The following CTNND2 variants were observed in gnomAD, a reference collection of about 807,000 sequenced individuals.
CTNND2 encodes the protein catenin delta 2.
CTNND2 carries 22 observed loss-of-function variants against 144.4 expected under a neutral mutation model. The ratio of observed to expected loss-of-function variants is 0.15; its 90% CI spans 0.11 to 0.22. The LOEUF (loss-of-function observed/expected upper bound fraction) is 0.22, where lower values mean the gene tolerates loss of function less well. CTNND2 is among the 10% of genes least tolerant of loss of function. CTNND2 has a pLI of 1.00. For synonymous variants in CTNND2, 751 were observed against 695.6 expected, an observed-to-expected ratio of 1.08 and a Z score of -1.25; for missense variants, 1,353 against 1,618.8, an observed-to-expected ratio of 0.84 and a Z score of 2.82.
At chr5:11,575,733 A>G (rs1777925220) in intron 2 of CTNND2, among the ~76,000 whole-genome samples, 1 of 152,062 alleles carries the variant, frequency 6.6e-6, no homozygotes, top group African/African-American at 2.4e-5. Context: ...TCCTTCCCGC[A>G]CAAACTCTTC....
chr5:11,137,812 G>A (rs1756311954), intron 12 of CTNND2, among the ~76,000 whole-genome samples: 1 of 152,256 alleles, frequency 6.6e-6, no homozygotes, highest in Admixed American at 6.5e-5. Flanking sequence ...TATCCATCTG[G>A]ATATGAAATT....
chr5:11,809,659 C>T (rs1474571600), intron 1 of CTNND2, among the ~76,000 whole-genome samples: 1 of 152,152 alleles, frequency 6.6e-6, no homozygotes, highest in South Asian at 2.1e-4. Flanking sequence ...CAGGCATAAA[C>T]AAGGGAACAG....
chr5:11,800,089 C>A (rs983950504), intron 1 of CTNND2, among the ~76,000 whole-genome samples: 3 of 152,096 alleles, frequency 2.0e-5, no homozygotes, highest in Non-Finnish European at 4.4e-5. Flanking sequence ...TAAGCAATGA[C>A]TGTCAACTTC....
intron 2 of CTNND2, among the ~76,000 whole-genome samples, chr5:11,579,591 T>C (rs1187661579): frequency 6.6e-6 from 1 of 152,244 alleles, no homozygotes; most frequent in African/African-American, 2.4e-5. Flanking sequence ...TGGCTCATGA[T>C]ACAGCAGCTT....
At chr5:11,731,322 T>C (rs1561741469) in intron 2 of CTNND2, among the ~76,000 whole-genome samples, 2 of 152,222 alleles carry the variant, frequency 1.3e-5, no homozygotes, top group Non-Finnish European at 2.9e-5. Context: ...AGCGTTACTA[T>C]TCTTAATTGC....
intron 16 of CTNND2, among the ~76,000 whole-genome samples, chr5:11,034,772 T>A (rs181316565): frequency 2.1e-4 from 32 of 152,296 alleles, no homozygotes; most frequent in Admixed American, 1.0e-3. Flanking sequence ...CTTTTTTTTT[T>A]AATGTGATCT....
intron 18 of CTNND2, among the ~76,000 whole-genome samples, chr5:11,006,063 C>A (rs371489455): frequency 8.6e-5 from 13 of 151,968 alleles, no homozygotes; most frequent in East Asian, 3.9e-4. Flanking sequence ...AAAACAACAA[C>A]AAAAAAACCA....
intron 2 of CTNND2, among the ~76,000 whole-genome samples, chr5:11,569,214 G>T (rs1777364485): frequency 6.6e-6 from 1 of 152,088 alleles, no homozygotes; most frequent in South Asian, 2.1e-4. Context: ...GGTTTAGAGA[G>T]GACATCCAAT....
At chr5:11,761,757 G>C in intron 1 of CTNND2, among the ~76,000 whole-genome samples, 1 of 152,092 alleles carries the variant, frequency 6.6e-6, no homozygotes, top group African/African-American at 2.4e-5. Flanking sequence ...TTTTCAAGTA[G>C]CATAGGATCT....
intron 13 of CTNND2, among the ~76,000 whole-genome samples, chr5:11,113,502 A>C (rs184679962): frequency 6.6e-6 from 1 of 152,302 alleles, no homozygotes; most frequent in East Asian, 1.9e-4. Flanking sequence ...TTTTGCAGAA[A>C]ACGTTTGCTG....
intron 9 of CTNND2, among the ~76,000 whole-genome samples, chr5:11,256,251 C>T (rs1020820929): frequency 6.6e-6 from 1 of 152,164 alleles, no homozygotes; most frequent in Non-Finnish European, 1.5e-5. Context: ...ATGCCTAGGT[C>T]ATATTTGTGT....
chr5:11,403,580 T>C (rs6884912), intron 5 of CTNND2, among the ~76,000 whole-genome samples: 5,084 of 152,276 alleles, frequency 0.033, 292 homozygotes, highest in African/African-American at 0.12. Flanking sequence ...CATCGTTCAT[T>C]CCAATTCCCA....
At chr5:11,348,839 A>C (rs572641694) in intron 8 of CTNND2, among the ~76,000 whole-genome samples, 5 of 152,308 alleles carry the variant, frequency 3.3e-5, no homozygotes, top group African/African-American at 1.2e-4. Flanking sequence ...CAAAATGTGA[A>C]AATAGGGTGG....
intron 2 of CTNND2, among the ~76,000 whole-genome samples, chr5:11,673,912 G>C (rs1423239448): frequency 2.0e-5 from 3 of 152,150 alleles, no homozygotes; most frequent in African/African-American, 7.2e-5. Flanking sequence ...TGAGGGTTTT[G>C]ATTTGTGCAT....
intron 9 of CTNND2, among the ~76,000 whole-genome samples, chr5:11,322,232 C>T (rs1240685367): frequency 6.6e-6 from 1 of 152,158 alleles, no homozygotes; most frequent in Admixed American, 6.5e-5. Context: ...GCTCAGCCTC[C>T]CATGATATCA....
At chr5:11,439,057 C>T (rs755968497) in intron 3 of CTNND2, among the ~76,000 whole-genome samples, 6 of 151,950 alleles carry the variant, frequency 3.9e-5, no homozygotes, top group Non-Finnish European at 7.3e-5. Context: ...GCAGCAGACA[C>T]GCATTCTCCG....
intron 1 of CTNND2, among the ~76,000 whole-genome samples, chr5:11,823,165 A>G (rs1246797233): frequency 6.6e-6 from 1 of 152,250 alleles, no homozygotes; most frequent in Non-Finnish European, 1.5e-5. Context: ...TATATTCAGA[A>G]GTAAAACACT....
At chr5:11,877,859 A>C (rs1192683281) in intron 1 of CTNND2, among the ~76,000 whole-genome samples, 1 of 152,178 alleles carries the variant, frequency 6.6e-6, no homozygotes, top group East Asian at 1.9e-4. Context: ...CAAAGAGAGG[A>C]AAAATACAAT....
intron 1 of CTNND2, among the ~76,000 whole-genome samples, chr5:11,734,804 C>T (rs1187668398): frequency 6.6e-6 from 1 of 152,120 alleles, no homozygotes; most frequent in Non-Finnish European, 1.5e-5. Context: ...GGCCCCATTA[C>T]AGAATTTTAC....
Sources: gnomAD v4.1 joint callset for allele counts (sites outside exome capture counted in the v4.1 genomes callset) on GRCh38, gnomAD v4.1.1 for gene constraint, MANE v1.5 for transcripts, NCBI Gene and HGNC (gene_info 2026-07-23, HGNC 2026-07-21) for gene names.